PLXDC2: variants seen among roughly 807,000 people sequenced by gnomAD.
PLXDC2 encodes the protein plexin domain-containing protein 2.
In PLXDC2, 40 loss-of-function variants were observed where a neutral mutation model predicts 68.9. That is an observed-to-expected ratio of 0.58 (90% CI 0.45 to 0.76). PLXDC2 has a LOEUF of 0.76. Ranked by LOEUF, PLXDC2 falls within the 30% of genes least tolerant of loss-of-function variation. The pLI is 0.00. For missense variants in PLXDC2, 644 were observed against 661.9 expected (o/e 0.97, Z 0.30); for synonymous variants, 243 against 234.2 (o/e 1.04, Z -0.34).
intron 1 of PLXDC2, among the ~76,000 whole-genome samples, chr10:19,828,796 G>T (rs1836625732): frequency 6.6e-6 from 1 of 152,022 alleles, no homozygotes; most frequent in African/African-American, 2.4e-5. Context: ...ACTTTTGTTT[G>T]ACTTCAGATG....
chr10:20,147,585 T>G (rs1834096428), intron 5 of PLXDC2, among the ~76,000 whole-genome samples, 199 bp from the exon 6 acceptor site: 1 of 152,296 alleles, frequency 6.6e-6, no homozygotes, highest in Non-Finnish European at 1.5e-5. Context: ...TTTTACTAAA[T>G]ATTTAGAGAG....
At chr10:20,214,283 AT>A (rs1033908784) in intron 10 of PLXDC2, among the ~76,000 whole-genome samples, 2 of 151,084 alleles carry the variant, frequency 1.3e-5, no homozygotes, top group Non-Finnish European at 3.0e-5. Context: ...TCAGACAGCT[AT>A]TTTTTTTTCT....
chr10:19,923,776 T>C (rs1275748635), intron 1 of PLXDC2, among the ~76,000 whole-genome samples: 2 of 152,202 alleles, frequency 1.3e-5, no homozygotes, highest in East Asian at 3.9e-4. Flanking sequence ...TTTATCAGTA[T>C]ATAATTTGGC....
At chr10:20,237,334 C>T (rs944204074) in intron 12 of PLXDC2, among the ~76,000 whole-genome samples, 5 of 151,408 alleles carry the variant, frequency 3.3e-5, no homozygotes, top group Non-Finnish European at 7.4e-5. Context: ...ATTGACAGGC[C>T]GGTAAGCATT....
intron 6 of PLXDC2, among the ~76,000 whole-genome samples, chr10:20,156,672 A>G (rs4518993): frequency 0.3 from 45,874 of 152,058 alleles, 7,600 homozygotes; most frequent in East Asian, 0.52. Flanking sequence ...AGATGGGGGC[A>G]GGAGGCATGT....
At chr10:20,078,151 T>C (rs550212845) in intron 4 of PLXDC2, among the ~76,000 whole-genome samples, 1 of 152,316 alleles carries the variant, frequency 6.6e-6, no homozygotes, top group Admixed American at 6.5e-5. Flanking sequence ...ATTTATTTTA[T>C]ATTAGATAGA....
intron 6 of PLXDC2, among the ~76,000 whole-genome samples, chr10:20,156,512 C>T (rs188090962): frequency 3.5e-4 from 53 of 152,290 alleles, no homozygotes; most frequent in Non-Finnish European, 6.6e-4. Flanking sequence ...CAATTTCTCC[C>T]TCATGAATTT....
chr10:20,005,699 C>T (rs925988175), intron 2 of PLXDC2, among the ~76,000 whole-genome samples: 2 of 152,068 alleles, frequency 1.3e-5, no homozygotes, highest in Non-Finnish European at 2.9e-5. Context: ...TGCACATTTT[C>T]AAACAACCAG....
intron 10 of PLXDC2, among the ~76,000 whole-genome samples, chr10:20,213,222 G>A (rs1400016099): frequency 6.6e-6 from 1 of 151,796 alleles, no homozygotes; most frequent in Non-Finnish European, 1.5e-5. Context: ...ATTTGGAATT[G>A]GTTTTTATGT....
chr10:20,012,335 G>GTTT lies in PLXDC2; in HGVS notation c.324+10349_324+10350insTTT, dbSNP rs1835133375. On this transcript the variant is annotated intron_variant, in intron 2 of 13. Coordinates refer to ENST00000377252, the MANE Select transcript of PLXDC2 (RefSeq NM_032812.9). Reference sequence around the variant, plus strand: ...ATTTTTTTTTTTTTTTTTTTTTTTTGGAGAAGGAGACTTGCTGTGTTTCCC... The same window carrying GTTT: ...ATTTTTTTTTTTTTTTTTTTTTTTTGTTTGAGAAGGAGACTTGCTGTGTTTCCC... Among the ~76,000 whole-genome samples the GTTT allele has an allele frequency of 1.4e-4, 4 of 27,852 alleles. 1 individual carries two copies. Among genetic ancestry groups the GTTT allele is most frequent in the Admixed American group, 5.6e-4 (1 of 1,772 alleles). The allele number at this position is 27,852 out of a possible 152,430, so 18.3% of individuals were successfully genotyped here. A position where few individuals can be genotyped will look rare whatever the true frequency, so the allele number is the denominator to read the frequency against.
At chr10:20,041,792 G>A (rs1235419136) in intron 2 of PLXDC2, among the ~76,000 whole-genome samples, 1 of 152,064 alleles carries the variant, frequency 6.6e-6, no homozygotes, top group Non-Finnish European at 1.5e-5. Flanking sequence ...CTTAGTGAGG[G>A]CTCCCTTTCT....
At chr10:19,908,153 A>G (rs1269766880) in intron 1 of PLXDC2, among the ~76,000 whole-genome samples, 1 of 152,150 alleles carries the variant, frequency 6.6e-6, no homozygotes, top group Non-Finnish European at 1.5e-5. Context: ...TATCATTAAA[A>G]TTATGTTTTC....
intron 6 of PLXDC2, among the ~76,000 whole-genome samples, chr10:20,157,892 C>T (rs921841145): frequency 2.0e-5 from 3 of 152,012 alleles, no homozygotes; most frequent in Non-Finnish European, 4.4e-5. Flanking sequence ...ATATTTTAAC[C>T]AGTGTGAAAG....
At chr10:20,044,122 T>TCCTTCCTTCCTTCCTCCCTTCCTC (rs71388894) in intron 2 of PLXDC2, among the ~76,000 whole-genome samples, 1 of 99,736 alleles carries the variant, frequency 1.0e-5, no homozygotes, top group African/African-American at 4.1e-5. Flanking sequence ...CTTCCTTCCT[T>TCCTTCCTTCCTTCCTCCCTTCCTC]CCTCCCTCCC....
intron 4 of PLXDC2, among the ~76,000 whole-genome samples, chr10:20,082,255 A>G (rs1836581197): frequency 6.6e-6 from 1 of 151,748 alleles, no homozygotes; most frequent in Non-Finnish European, 1.5e-5. Context: ...CAATATCAAT[A>G]ATTCAGCTAA....
chr10:19,956,896 G>A (rs1304004887), intron 1 of PLXDC2, among the ~76,000 whole-genome samples: 1 of 152,116 alleles, frequency 6.6e-6, no homozygotes, highest in African/African-American at 2.4e-5. Flanking sequence ...ATTTTATAGA[G>A]CAGATAGTAA....
intron 13 of PLXDC2, among the ~76,000 whole-genome samples, chr10:20,264,968 T>G (rs1835851998): frequency 6.6e-6 from 1 of 152,034 alleles, no homozygotes; most frequent in South Asian, 2.1e-4. Context: ...GTAAGGTCGC[T>G]GGATGATATT....
chr10:19,836,722 C>T (rs1356654435), intron 1 of PLXDC2, among the ~76,000 whole-genome samples: 2 of 152,194 alleles, frequency 1.3e-5, no homozygotes, highest in Non-Finnish European at 2.9e-5. Context: ...TGTTTAGTTT[C>T]AGCCACTTTT....
chr10:19,880,729 T>C (rs1837711967), intron 1 of PLXDC2, among the ~76,000 whole-genome samples: 1 of 152,234 alleles, frequency 6.6e-6, no homozygotes, highest in South Asian at 2.1e-4. Flanking sequence ...CATTATTCTT[T>C]TTCCATTTTC....
Sources: allele counts gnomAD v4.1 joint callset (sites outside exome capture counted in the v4.1 genomes callset), GRCh38; gene constraint gnomAD v4.1.1; transcripts MANE v1.5; gene names NCBI Gene and HGNC (gene_info 2026-07-23, HGNC 2026-07-21).